The following CLASP1 variants were observed in gnomAD, a reference collection of about 807,000 sequenced individuals.
CLASP1 encodes the protein CLIP-associating protein 1.
Under a neutral mutation model 192.3 loss-of-function variants are expected in CLASP1, and 38 were observed. The ratio of observed to expected loss-of-function variants is 0.20; its 90% CI spans 0.15 to 0.26. The LOEUF is 0.26. Ranked by LOEUF, CLASP1 falls within the 10% of genes least tolerant of loss-of-function variation. The probability of loss-of-function intolerance (pLI) is 1.00; values close to 1 mark genes in which losing one functional copy is unlikely to be tolerated. For synonymous variants in CLASP1, 691 were observed against 712.8 expected (o/e 0.97, Z 0.49); for missense variants, 1,433 against 1,932.5 (o/e 0.74, Z 4.85).
chr2:121,578,493 G>A (rs1420275269), intron 2 of CLASP1, among the ~76,000 whole-genome samples: 1 of 149,386 alleles, frequency 6.7e-6, no homozygotes, highest in African/African-American at 2.4e-5. Flanking sequence ...ACTTTGGGAG[G>A]CCGAGGCTGG....
rs1033738861 is a variant in CLASP1 at position 121,385,115 on chromosome 2, G to T, written c.3374+2007C>A. Among the ~76,000 whole-genome samples the T allele has an allele frequency of 2.6e-5, 4 of 152,260 alleles. No homozygotes were observed. The East Asian group carries it at 7.7e-4, about 29-fold the overall frequency. On this transcript the variant is annotated intron_variant, in intron 32 of 39. Coordinates refer to ENST00000263710, the Ensembl canonical transcript of CLASP1. Reference sequence around the variant, plus strand: ...GGTAACCTAGTCAATTCTATTTAGTGCAATAATTCATTTCTTTTATCATTT... The same window carrying T: ...GGTAACCTAGTCAATTCTATTTAGTTCAATAATTCATTTCTTTTATCATTT...
At chr2:121,553,588 C>A (rs2058244491) in intron 2 of CLASP1, among the ~76,000 whole-genome samples, 1 of 152,034 alleles carries the variant, frequency 6.6e-6, no homozygotes, top group Non-Finnish European at 1.5e-5. Flanking sequence ...GTAGTCCCAG[C>A]TACTAGGTTG....
chr2:121,427,382 G>C, intron 21 of CLASP1, 22 bp downstream of exon 21: 1 of 1,611,512 alleles, frequency 6.2e-7, no homozygotes, highest in Non-Finnish European at 8.5e-7. Context: ...AACAAAAAAA[G>C]GCAAGAAGAG....
intron 2 of CLASP1, among the ~76,000 whole-genome samples, chr2:121,574,236 G>A (rs1211134013): frequency 1.3e-5 from 2 of 151,798 alleles, no homozygotes; most frequent in East Asian, 1.9e-4. Context: ...GCTGAGTCAG[G>A]AGAATGGCAT....
intron 1 of CLASP1, among the ~76,000 whole-genome samples, chr2:121,622,028 AGT>A (rs892660215): frequency 2.6e-5 from 4 of 151,416 alleles, no homozygotes; most frequent in African/African-American, 9.7e-5. Context: ...TTGTATTTTT[AGT>A]AGAGATGGGG....
intron 7 of CLASP1, among the ~76,000 whole-genome samples, chr2:121,511,942 C>A (rs1240165425): frequency 6.6e-6 from 1 of 152,086 alleles, no homozygotes; most frequent in African/African-American, 2.4e-5. Flanking sequence ...CTTTAGCAAG[C>A]AAGTTAAAAA....
intron 2 of CLASP1, among the ~76,000 whole-genome samples, chr2:121,582,276 G>GGA (rs113201966): frequency 3.8e-4 from 55 of 146,080 alleles, no homozygotes; most frequent in African/African-American, 6.0e-4. Flanking sequence ...GACAGGAAAG[G>GGA]GAGAGAGAGA....
chr2:121,539,620 G>T (rs2095183520), intron 2 of CLASP1, among the ~76,000 whole-genome samples: 1 of 152,206 alleles, frequency 6.6e-6, no homozygotes, highest in Admixed American at 6.5e-5. Context: ...TAAAGGACAA[G>T]ATTGATGAAC....
chr2:121,544,543 A>G (rs1043525612), intron 2 of CLASP1, among the ~76,000 whole-genome samples: 2 of 152,102 alleles, frequency 1.3e-5, no homozygotes, highest in East Asian at 1.9e-4. Flanking sequence ...CATGCAATAC[A>G]TGTTTTTTTA....
rs147899907 is a variant in CLASP1, at chr2:121,354,779, G to A, written c.4207-6061C>T. The stretch of plus-strand genomic sequence containing the variant: ...ATATCTGAGGTCCCCTGGGAGGTGG[G>A]AAGCAGCTCAGTGGGTGGAAAGAAC... On this transcript the variant is annotated intron_variant, in intron 37 of 39. Coordinates refer to ENST00000263710, the Ensembl canonical transcript of CLASP1. Among the ~76,000 whole-genome samples the A allele has an allele frequency of 2.5e-3, 380 of 152,258 alleles. 4 individuals are homozygous for A. The South Asian group carries it at 0.032, about 13-fold the overall frequency.
At chr2:121,442,287 A>G (rs569069850) in intron 19 of CLASP1, among the ~76,000 whole-genome samples, 18 of 152,350 alleles carry the variant, frequency 1.2e-4, no homozygotes, top group African/African-American at 3.8e-4. Flanking sequence ...CATACTGAAG[A>G]TAATAACCTA....
chr2:121,459,162 T>TTA (rs1553546212), intron 12 of CLASP1, among the ~76,000 whole-genome samples, 187 bp from the exon 13 acceptor site: 9 of 150,002 alleles, frequency 6.0e-5, no homozygotes, highest in Admixed American at 2.0e-4. Context: ...TTTTTTTTTT[T>TTA]AAAAAAAAAC....
chr2:121,369,582 A>G (rs1573915126), intron 34 of CLASP1, among the ~76,000 whole-genome samples: 2 of 152,358 alleles, frequency 1.3e-5, no homozygotes, highest in Admixed American at 6.5e-5. Context: ...ACTGTTAACA[A>G]CAAAACCTTA....
chr2:121,345,734 C>T (rs2063369376), intron 39 of CLASP1, among the ~76,000 whole-genome samples: 1 of 152,234 alleles, frequency 6.6e-6, no homozygotes, highest in Non-Finnish European at 1.5e-5. Context: ...CTCTTCCAGC[C>T]TATCTGCTGA....
At chr2:121,439,072 T>A (rs930312987) in intron 19 of CLASP1, among the ~76,000 whole-genome samples, 3 of 150,724 alleles carry the variant, frequency 2.0e-5, no homozygotes, top group Non-Finnish European at 3.0e-5. Flanking sequence ...AGTGTATGTG[T>A]CCAGGAATTT....
intron 2 of CLASP1, among the ~76,000 whole-genome samples, chr2:121,567,992 T>C (rs2059652689): frequency 6.6e-6 from 1 of 152,208 alleles, no homozygotes; most frequent in Non-Finnish European, 1.5e-5. Context: ...TTTTCATGCT[T>C]TTACATCCAT....
chr2:121,451,602 A>G (rs2085491176), intron 15 of CLASP1, among the ~76,000 whole-genome samples, 188 bp downstream of exon 15: 1 of 152,252 alleles, frequency 6.6e-6, no homozygotes, highest in Admixed American at 6.5e-5. Flanking sequence ...TAGTATTTCA[A>G]CCAATGAAAT....
intron 1 of CLASP1, among the ~76,000 whole-genome samples, chr2:121,617,959 TC>T (rs1359038751): frequency 6.6e-6 from 1 of 152,220 alleles, no homozygotes; most frequent in Non-Finnish European, 1.5e-5. Context: ...TGTTGTTCCT[TC>T]TGCCAAAAAC....
chr2:121,605,710 G>A (rs2064345128), exon 2 of CLASP1: 1 of 1,613,602 alleles, frequency 6.2e-7, no homozygotes, highest in African/African-American at 1.3e-5. Context: ...CCTTGTAATT[G>A]CTAGAGTTCA....
Sources: gnomAD v4.1 joint callset for allele counts (sites outside exome capture counted in the v4.1 genomes callset) on GRCh38, gnomAD v4.1.1 for gene constraint, MANE v1.5 for transcripts, NCBI Gene and HGNC (gene_info 2026-07-23, HGNC 2026-07-21) for gene names.